The following EFCAB6 variants were observed in gnomAD, a reference collection of about 807,000 sequenced individuals.
EFCAB6 encodes EF-hand calcium binding domain 6.
EFCAB6 carries 156 observed loss-of-function variants against 169.8 expected under a neutral mutation model. The ratio of observed to expected loss-of-function variants is 0.92; its 90% CI spans 0.81 to 1.05. The LOEUF (loss-of-function observed/expected upper bound fraction) is 1.05. Ranked by LOEUF, EFCAB6 falls within the 50% of genes least tolerant of loss-of-function variation. The pLI is 0.00. For missense variants in EFCAB6, 1,800 were observed against 1,829.1 expected, an observed-to-expected ratio of 0.98 and a Z score of 0.29; for synonymous variants, 698 against 676.4, an observed-to-expected ratio of 1.03 and a Z score of -0.50.
chr22:43,534,058 G>C (rs2047241541), intron 30 of EFCAB6, among the ~76,000 whole-genome samples: 1 of 152,220 alleles, frequency 6.6e-6, no homozygotes, highest in Non-Finnish European at 1.5e-5. Flanking sequence ...TTCAAGACCA[G>C]CCTGGGCAAC....
chr22:43,720,496 A>G (rs1315299773), intron 8 of EFCAB6, among the ~76,000 whole-genome samples: 1 of 152,158 alleles, frequency 6.6e-6, no homozygotes, highest in Non-Finnish European at 1.5e-5. Context: ...TGGGTGACAG[A>G]GCAAGACCCT....
At position 43,694,460 on chromosome 22, in the gene EFCAB6, A is replaced by C. The variant is rs191295960; in HGVS notation, c.1032-6879T>G. Among the ~76,000 whole-genome samples the C allele has an allele frequency of 6.2e-4, 95 of 152,228 alleles. 1 individual carries two copies. The highest frequency in any genetic ancestry group is 2.2e-3 in the African/African-American group (91 of 41,578). ...ATTTCCCAACACATGTCCCAAGGTCACTGTTACTCTGATCCCAAACTGAGA... is the reference window on the plus strand; with the variant it reads ...ATTTCCCAACACATGTCCCAAGGTCCCTGTTACTCTGATCCCAAACTGAGA... On this transcript the variant is annotated intron_variant, in intron 10 of 31. Transcript: ENST00000262726.
chr22:43,776,394 G>T (rs2061640561), intron 3 of EFCAB6, among the ~76,000 whole-genome samples: 1 of 152,232 alleles, frequency 6.6e-6, no homozygotes, highest in Admixed American at 6.5e-5. Context: ...ATCTGGAGGT[G>T]AGACGACAGA....
chr22:43,665,632 C>T (rs533612675), intron 17 of EFCAB6, among the ~76,000 whole-genome samples: 1 of 152,150 alleles, frequency 6.6e-6, no homozygotes, highest in Non-Finnish European at 1.5e-5. Context: ...CAGATTGGCA[C>T]TCGTTTAGTT....
At chr22:43,755,879 A>T (rs759033904) in intron 5 of EFCAB6, 47 bp from the exon 6 acceptor site, 1 of 1,501,056 alleles carries the variant, frequency 6.7e-7, no homozygotes, top group Non-Finnish European at 9.0e-7. Context: ...TAACCAAATA[A>T]ATGTTTACAT....
chr22:43,806,196 G>C lies in EFCAB6; in HGVS notation c.-8+2799C>G, dbSNP rs974361199. On this transcript the variant is annotated intron_variant, in intron 2 of 31. Transcript: ENST00000262726. ...AAGAGAGGAGAGGAGGGGGAGGGGA[G>C]GGGAGGGGAGGGGAAGGGAAAAAAG... 3.3e-5 allele frequency among the ~76,000 whole-genome samples: 5 copies of C among 149,596 alleles called. 1 individual carries two copies. The highest frequency in any genetic ancestry group is 7.5e-5 in the Non-Finnish European group (5 of 66,900).
At chr22:43,605,574 C>T (rs901629488) in intron 22 of EFCAB6, among the ~76,000 whole-genome samples, 8 of 71,986 alleles carry the variant, frequency 1.1e-4, no homozygotes, top group African/African-American at 4.1e-4. Context: ...ACCTGGGAGG[C>T]GGAGGTTGCA....
intron 15 of EFCAB6, among the ~76,000 whole-genome samples, chr22:43,671,521 G>T (rs960335204): frequency 6.6e-6 from 1 of 152,102 alleles, no homozygotes. Flanking sequence ...CAACTCACAC[G>T]CACAAAATGT....
At chr22:43,777,108 G>A (rs1215547436) in intron 3 of EFCAB6, among the ~76,000 whole-genome samples, 2 of 152,190 alleles carry the variant, frequency 1.3e-5, no homozygotes, top group African/African-American at 2.4e-5. Flanking sequence ...GAGGAGGCGT[G>A]TGAGGGGTGT....
intron 26 of EFCAB6, among the ~76,000 whole-genome samples, chr22:43,565,833 G>A (rs2049388004): frequency 6.6e-6 from 1 of 151,902 alleles, no homozygotes; most frequent in Admixed American, 6.6e-5. Flanking sequence ...TAGAAACACT[G>A]AGTAAAGAAT....
Position 43,744,352 on chromosome 22 carries a change from A to G in EFCAB6, c.508-8359T>C, listed in dbSNP as rs1484140013. Among the ~76,000 whole-genome samples the G allele has an allele frequency of 6.6e-6, 1 of 152,178 alleles. No homozygotes were observed. The highest frequency in any genetic ancestry group is 1.5e-5 in the Non-Finnish European group (1 of 68,030). On this transcript the variant is annotated intron_variant, in intron 6 of 31. Transcript: ENST00000262726. The surrounding 1 kb of genome is among the most constrained non-coding windows in gnomAD (Gnocchi z 4.3). ...GAACCTGCAAAAAGGGTAGACAAGC[A>G]TCTCATTTCCCAGTGGATTCAGTGA... is the stretch of plus-strand genomic sequence containing the variant.
Position 43,641,398 on chromosome 22 carries a change from C to T in EFCAB6, c.1984-6182G>A, listed in dbSNP as rs1181430464. 2.6e-5 allele frequency among the ~76,000 whole-genome samples: 4 copies of T among 152,120 alleles called. No homozygotes were observed. The East Asian group carries it at 7.7e-4, about 29-fold the overall frequency. ...TGGGAGGCTGAGGCGGGTGGATTGC[C>T]TGAGGTCAGGAGTTCAAGACCAGTC... On this transcript the variant is annotated intron_variant, in intron 17 of 31. Coordinates refer to ENST00000262726, the MANE Select transcript of EFCAB6 (RefSeq NM_022785.4).
chr22:43,601,405 G>T (rs2052512790), intron 22 of EFCAB6, among the ~76,000 whole-genome samples: 1 of 152,262 alleles, frequency 6.6e-6, no homozygotes, highest in Non-Finnish European at 1.5e-5. Context: ...GGCATTCGCA[G>T]ATGTGATTTT....
intron 22 of EFCAB6, among the ~76,000 whole-genome samples, chr22:43,600,997 G>A (rs2052476458): frequency 6.6e-6 from 1 of 152,154 alleles, no homozygotes; most frequent in Non-Finnish European, 1.5e-5. Flanking sequence ...ATACTTACCT[G>A]TGAAAGGAAT....
At chr22:43,798,026 TAGAAAC>T (rs1052795881) in intron 2 of EFCAB6, among the ~76,000 whole-genome samples, 7 of 152,292 alleles carry the variant, frequency 4.6e-5, no homozygotes, top group Admixed American at 6.5e-5. Context: ...GACAGCCTGT[TAGAAAC>T]AGATTGCTGG....
At chr22:43,660,914 T>C (rs1448985979) in intron 17 of EFCAB6, among the ~76,000 whole-genome samples, 1 of 152,164 alleles carries the variant, frequency 6.6e-6, no homozygotes, top group Non-Finnish European at 1.5e-5. Context: ...CTCTCTTATT[T>C]AAACCACCGT....
At chr22:43,534,958 C>G in intron 29 of EFCAB6, 86 bp from the exon 30 acceptor site, 2 of 1,389,430 alleles carry the variant, frequency 1.4e-6, no homozygotes, top group Non-Finnish European at 2.0e-6. Flanking sequence ...GCTGAGACAC[C>G]TTCTCTGCTT....
At chr22:43,764,134 T>C (rs2147920797) in intron 5 of EFCAB6, among the ~76,000 whole-genome samples, 1 of 152,290 alleles carries the variant, frequency 6.6e-6, no homozygotes, top group South Asian at 2.1e-4. Context: ...ATGCTGAGGT[T>C]TGGGGTACAA....
chr22:43,606,057 G>A (rs935240044), intron 22 of EFCAB6, among the ~76,000 whole-genome samples: 1 of 152,108 alleles, frequency 6.6e-6, no homozygotes. Context: ...ATTCCAGAGG[G>A]AAAAAGGGAT....
Sources: allele counts gnomAD v4.1 joint callset (sites outside exome capture counted in the v4.1 genomes callset), GRCh38; gene constraint gnomAD v4.1.1; non-coding constraint Gnocchi (gnomAD v3.1); transcripts MANE v1.5; gene names NCBI Gene and HGNC (gene_info 2026-07-23, HGNC 2026-07-21).